INPP4B: variants seen among roughly 807,000 people sequenced by gnomAD.
INPP4B encodes the protein inositol polyphosphate-4-phosphatase type II B.
In INPP4B, 55 loss-of-function variants were observed where a neutral mutation model predicts 122.5. The ratio of observed to expected loss-of-function variants is 0.45; its 90% CI spans 0.36 to 0.56. The LOEUF (loss-of-function observed/expected upper bound fraction) is 0.56. Ranked by LOEUF, INPP4B falls within the 20% of genes least tolerant of loss-of-function variation. The pLI is 0.00. For missense variants in INPP4B, 1,000 were observed against 1,097.7 expected, an observed-to-expected ratio of 0.91 and a Z score of 1.26; for synonymous variants, 403 against 388.7, an observed-to-expected ratio of 1.04 and a Z score of -0.43.
At chr4:142,354,540 A>C (rs963643941) in intron 7 of INPP4B, among the ~76,000 whole-genome samples, 4 of 152,000 alleles carry the variant, frequency 2.6e-5, no homozygotes, top group Non-Finnish European at 5.9e-5. Context: ...CAAAAAATAA[A>C]ATAGAATCAT....
At chr4:142,256,068 C>T (rs1304348566) in intron 11 of INPP4B, among the ~76,000 whole-genome samples, 1 of 150,774 alleles carries the variant, frequency 6.6e-6, no homozygotes, top group African/African-American at 2.4e-5. Context: ...AACTGCTCAA[C>T]TACATGGAAA....
chr4:142,046,347 G>GTGAT (rs771656732), intron 25 of INPP4B, among the ~76,000 whole-genome samples: 1 of 152,106 alleles, frequency 6.6e-6, no homozygotes, highest in Non-Finnish European at 1.5e-5. Context: ...AAGACAGTGA[G>GTGAT]TGATGAGAGC....
rs143036204 is a variant in INPP4B, at chr4:142,508,843, T to C, written c.-190-46117A>G. Reference sequence around the variant, plus strand: ...AGTTTGGCACCTAGTGGGTAAAGTCTAGGGATGCTGTTAAACATTTTAAAA... The same window carrying C: ...AGTTTGGCACCTAGTGGGTAAAGTCCAGGGATGCTGTTAAACATTTTAAAA... On this transcript the variant is annotated intron_variant, in intron 2 of 25. Transcript: ENST00000262992. Among the ~76,000 whole-genome samples, 656 of 152,288 alleles carry C rather than the reference T, an allele frequency of 4.3e-3. 3 individuals carry two copies. The highest frequency in any genetic ancestry group is 0.015 in the African/African-American group (642 of 41,566).
At chr4:142,387,088 G>A (rs1433599522) in intron 7 of INPP4B, among the ~76,000 whole-genome samples, 1 of 152,112 alleles carries the variant, frequency 6.6e-6, no homozygotes, top group Non-Finnish European at 1.5e-5. Context: ...TCCAGGATGT[G>A]ATTTGATCCG....
chr4:142,725,024 C>G (rs571367991), intron 2 of INPP4B, among the ~76,000 whole-genome samples: 1 of 152,024 alleles, frequency 6.6e-6, no homozygotes, highest in Non-Finnish European at 1.5e-5. Context: ...GTAGACAGGA[C>G]TCAATGGATG....
chr4:142,183,588 C>T (rs1831833994), intron 15 of INPP4B, among the ~76,000 whole-genome samples: 1 of 152,084 alleles, frequency 6.6e-6, no homozygotes, highest in Admixed American at 6.6e-5. Context: ...TGTATGCTGC[C>T]TTTGCAATGA....
intron 11 of INPP4B, among the ~76,000 whole-genome samples, chr4:142,249,399 C>T (rs926961143): frequency 2.0e-5 from 3 of 150,916 alleles, no homozygotes; most frequent in African/African-American, 7.3e-5. Flanking sequence ...GAAATTTACA[C>T]AGAATTGTCT....
At chr4:142,584,757 G>A (rs1205666271) in intron 2 of INPP4B, among the ~76,000 whole-genome samples, 1 of 151,338 alleles carries the variant, frequency 6.6e-6, no homozygotes, top group African/African-American at 2.4e-5. Flanking sequence ...GTAGTTTTTT[G>A]GGGAAAAAAA....
At chr4:142,769,556 A>C (rs1275645933) in intron 1 of INPP4B, among the ~76,000 whole-genome samples, 1 of 152,170 alleles carries the variant, frequency 6.6e-6, no homozygotes, top group Non-Finnish European at 1.5e-5. Context: ...GTTATGTCTG[A>C]AATTCCCCTA....
intron 5 of INPP4B, among the ~76,000 whole-genome samples, 160 bp downstream of exon 5, chr4:142,429,013 T>C (rs1808716695): frequency 6.6e-6 from 1 of 151,236 alleles, no homozygotes; most frequent in Non-Finnish European, 1.5e-5. Flanking sequence ...TCCTATAAAT[T>C]TGGAGAAAAT....
At chr4:142,643,918 G>C (rs1193294944) in intron 2 of INPP4B, among the ~76,000 whole-genome samples, 2 of 152,100 alleles carry the variant, frequency 1.3e-5, no homozygotes, top group Non-Finnish European at 2.9e-5. Flanking sequence ...AGAATATCTG[G>C]AGCTGGGTGC....
chr4:142,728,673 A>G (rs1184697002), intron 1 of INPP4B, among the ~76,000 whole-genome samples: 1 of 152,084 alleles, frequency 6.6e-6, no homozygotes, highest in Admixed American at 6.5e-5. Context: ...GGAGTGATAA[A>G]TCTACAAGCT....
chr4:142,040,724 G>A (rs1217288186), intron 25 of INPP4B, among the ~76,000 whole-genome samples: 1 of 152,172 alleles, frequency 6.6e-6, no homozygotes, highest in Non-Finnish European at 1.5e-5. Flanking sequence ...AGATGACTTA[G>A]TTTTAATTGC....
At chr4:142,421,430 C>T (rs3775711) in intron 5 of INPP4B, among the ~76,000 whole-genome samples, 42,723 of 152,002 alleles carry the variant, frequency 0.28, 7,459 homozygotes, top group South Asian at 0.45. Context: ...TCTAGCACAG[C>T]CCCAGAGGCA....
In INPP4B at chr4:142,815,509, T is replaced by C. The variant is rs912482352; in HGVS notation, c.-254+30700A>G. ...TAAAGTTATACTAATATAACTCTATTGTGCCACTCAGAGGTTTCCGTCTAA... is the reference window on the plus strand; with the variant it reads ...TAAAGTTATACTAATATAACTCTATCGTGCCACTCAGAGGTTTCCGTCTAA... On this transcript the variant is annotated intron_variant, in intron 1 of 25. Transcript: ENST00000262992. Among the ~76,000 whole-genome samples the C allele has an allele frequency of 5.3e-5, 8 of 152,172 alleles. No homozygotes were observed. In the East Asian group the frequency reaches 1.5e-3, roughly 29 times the overall value.
At chr4:142,398,420 A>T in intron 7 of INPP4B, among the ~76,000 whole-genome samples, 1 of 54,330 alleles carries the variant, frequency 1.8e-5, no homozygotes, top group African/African-American at 4.3e-5. Context: ...ATATATATAT[A>T]TATATATATA....
intron 25 of INPP4B, among the ~76,000 whole-genome samples, chr4:142,042,808 A>AC (rs1379031286): frequency 6.6e-6 from 1 of 152,002 alleles, no homozygotes; most frequent in African/African-American, 2.4e-5. Context: ...TGATTCGCCC[A>AC]CCTCGGCCTC....
intron 7 of INPP4B, among the ~76,000 whole-genome samples, chr4:142,363,880 A>G (rs936514463): frequency 6.6e-6 from 1 of 152,074 alleles, no homozygotes; most frequent in Admixed American, 6.6e-5. Context: ...ATCTGAGTGG[A>G]GAAAGGGTGA....
At chr4:142,315,547 TC>T (rs1561833724) in intron 7 of INPP4B, among the ~76,000 whole-genome samples, 1 of 151,992 alleles carries the variant, frequency 6.6e-6, no homozygotes, top group East Asian at 1.9e-4. Context: ...CCTTTCAAAC[TC>T]TTGGTGCGCC....
Sources: allele counts gnomAD v4.1 joint callset (sites outside exome capture counted in the v4.1 genomes callset), GRCh38; gene constraint gnomAD v4.1.1; transcripts MANE v1.5; gene names NCBI Gene and HGNC (gene_info 2026-07-23, HGNC 2026-07-21).